PRUNE2: variants seen among roughly 807,000 people sequenced by gnomAD.
PRUNE2 encodes the protein protein prune homolog 2.
Under a neutral mutation model 252.0 loss-of-function variants are expected in PRUNE2, and 164 were observed. That is an observed-to-expected ratio of 0.65 (90% CI 0.57 to 0.74). The LOEUF is 0.74. PRUNE2 is among the 30% of genes least tolerant of loss of function. The probability of loss-of-function intolerance (pLI) is 0.00; values close to 1 mark genes in which losing one functional copy is unlikely to be tolerated. For synonymous variants in PRUNE2, 1,292 were observed against 1,350.2 expected (o/e 0.96, Z 0.94); for missense variants, 3,495 against 3,711.0 (o/e 0.94, Z 1.51).
intron 9 of PRUNE2, among the ~76,000 whole-genome samples, chr9:76,691,365 G>T (rs1461597040): frequency 6.6e-6 from 1 of 152,196 alleles, no homozygotes; most frequent in African/African-American, 2.4e-5. Context: ...TTACCACACA[G>T]AAATTTAATA....
intron 11 of PRUNE2, among the ~76,000 whole-genome samples, chr9:76,650,754 A>G (rs983887685): frequency 1.7e-4 from 26 of 152,240 alleles, no homozygotes; most frequent in African/African-American, 6.0e-4. Flanking sequence ...TGTTAACTAC[A>G]TTAAAAGAGC....
chr9:76,891,869 T>C, intron 1 of PRUNE2, among the ~76,000 whole-genome samples: 1 of 152,194 alleles, frequency 6.6e-6, no homozygotes, highest in East Asian at 1.9e-4. Context: ...TCTTTTCATT[T>C]GTGACATAAA....
intron 1 of PRUNE2, among the ~76,000 whole-genome samples, chr9:76,872,640 CA>C (rs1564479971): frequency 1.1e-4 from 17 of 151,358 alleles, no homozygotes; most frequent in African/African-American, 3.2e-4. Flanking sequence ...CACACACACA[CA>C]CACCCTCACA....
chr9:76,664,544 AG>A (rs1161616503), intron 9 of PRUNE2, among the ~76,000 whole-genome samples: 1 of 152,204 alleles, frequency 6.6e-6, no homozygotes, highest in Non-Finnish European at 1.5e-5. Flanking sequence ...TTTTTGAGAC[AG>A]GGTCTTGCTG....
intron 12 of PRUNE2, among the ~76,000 whole-genome samples, chr9:76,639,214 G>A (rs1310190216): frequency 1.3e-5 from 2 of 152,052 alleles, no homozygotes; most frequent in Non-Finnish European, 2.9e-5. Context: ...CAGCCAGGCC[G>A]GGCGCCATGA....
chr9:76,902,157 A>AT (rs371400962), intron 1 of PRUNE2, among the ~76,000 whole-genome samples: 1 of 151,802 alleles, frequency 6.6e-6, no homozygotes, highest in Non-Finnish European at 1.5e-5. Flanking sequence ...CATGTACTTC[A>AT]TTTTTTCCCC....
chr9:76,621,647 A>C (rs1443764472), intron 17 of PRUNE2, among the ~76,000 whole-genome samples: 1 of 152,126 alleles, frequency 6.6e-6, no homozygotes, highest in Non-Finnish European at 1.5e-5. Flanking sequence ...TGAGACCAGC[A>C]GCATCAGCAT....
At chr9:76,830,665 G>GAAAAAA (rs1268823852) in intron 4 of PRUNE2, among the ~76,000 whole-genome samples, 4 of 88,520 alleles carry the variant, frequency 4.5e-5, no homozygotes, top group East Asian at 3.3e-4. Context: ...AACAAAAAAA[G>GAAAAAA]AAAAAAAAAA....
chr9:76,897,638 A>G (rs12341260), intron 1 of PRUNE2, among the ~76,000 whole-genome samples: 7,758 of 150,866 alleles, frequency 0.051, 696 homozygotes, highest in African/African-American at 0.18. Flanking sequence ...CTGGTCTGGA[A>G]CTCCTGACCT....
intron 15 of PRUNE2, among the ~76,000 whole-genome samples, chr9:76,632,476 G>A (rs1238785306): frequency 6.6e-6 from 1 of 152,128 alleles, no homozygotes; most frequent in Non-Finnish European, 1.5e-5. Flanking sequence ...TTTCAAAGAC[G>A]GAGCCTATCA....
chr9:76,859,502 T>C (rs909878311), intron 1 of PRUNE2, among the ~76,000 whole-genome samples: 7 of 152,100 alleles, frequency 4.6e-5, no homozygotes, highest in African/African-American at 1.7e-4. Context: ...GCTGCTGCCA[T>C]AAACCTTTTA....
At chr9:76,768,359 A>C (rs575083645) in intron 6 of PRUNE2, among the ~76,000 whole-genome samples, 28 of 151,964 alleles carry the variant, frequency 1.8e-4, no homozygotes, top group Admixed American at 7.2e-4. Context: ...TGCCCAGTTA[A>C]TTTTTGTATT....
intron 6 of PRUNE2, among the ~76,000 whole-genome samples, chr9:76,813,682 G>A (rs1019882028): frequency 6.6e-6 from 1 of 152,054 alleles, no homozygotes; most frequent in African/African-American, 2.4e-5. Context: ...CTCATTCATC[G>A]ATTGCAATGC....
chr9:76,696,549 C>T (rs530994558), intron 9 of PRUNE2, among the ~76,000 whole-genome samples: 2 of 152,164 alleles, frequency 1.3e-5, no homozygotes, highest in Admixed American at 1.3e-4. Flanking sequence ...CCTCAGTCTC[C>T]CGAGTAGCTG....
chr9:76,716,174 A>G (rs2047136384), intron 6 of PRUNE2, among the ~76,000 whole-genome samples: 1 of 152,216 alleles, frequency 6.6e-6, no homozygotes, highest in South Asian at 2.1e-4. Context: ...GTTCAAAGCC[A>G]CACTTGTGGA....
At position 76,745,924 on chromosome 9, in the gene PRUNE2, C is replaced by T. The variant is rs115598682; in HGVS notation, c.757-32203G>A. 1.9e-3 allele frequency among the ~76,000 whole-genome samples: 296 copies of T among 152,320 alleles called. 1 individual carries two copies. Among genetic ancestry groups the T allele is most frequent in the African/African-American group, 6.8e-3 (284 of 41,578 alleles). ...TAACCATAGTATTTCACCCTCACTT[C>T]CCCTGGTGACAGGTAAAGGGAATAG... On this transcript the variant is annotated intron_variant, in intron 6 of 18. Coordinates refer to ENST00000376718, the MANE Select transcript of PRUNE2 (RefSeq NM_015225.3).
intron 1 of PRUNE2, among the ~76,000 whole-genome samples, chr9:76,864,051 T>A (rs2060699476): frequency 6.6e-6 from 1 of 152,064 alleles, no homozygotes; most frequent in Non-Finnish European, 1.5e-5. Context: ...TAGGTGCCCA[T>A]CAAACGTGGA....
At chr9:76,643,722 T>G (rs1378725287) in intron 12 of PRUNE2, among the ~76,000 whole-genome samples, 2 of 152,230 alleles carry the variant, frequency 1.3e-5, no homozygotes, top group African/African-American at 4.8e-5. Context: ...AGTGGTCAGG[T>G]TCCCTGGGTG....
chr9:76,825,497 T>G (rs150871766), intron 5 of PRUNE2, among the ~76,000 whole-genome samples: 1 of 152,360 alleles, frequency 6.6e-6, no homozygotes, highest in Non-Finnish European at 1.5e-5. Context: ...TAAACCACTT[T>G]GCCTCAGGCT....
Sources: gnomAD v4.1 joint callset for allele counts (sites outside exome capture counted in the v4.1 genomes callset) on GRCh38, gnomAD v4.1.1 for gene constraint, MANE v1.5 for transcripts, NCBI Gene and HGNC (gene_info 2026-07-23, HGNC 2026-07-21) for gene names.